Variants in AFF3 observed in about 807,000 individuals in gnomAD.
The protein encoded by AFF3 is AF4/FMR2 family member 3.
AFF3 carries 32 observed loss-of-function variants against 129.7 expected under a neutral mutation model. That is an observed-to-expected ratio of 0.25 (90% CI 0.19 to 0.33). AFF3 has a LOEUF of 0.33. Among genes scored for constraint, AFF3 ranks in the 10% least tolerant of loss-of-function variants. The pLI is 1.00. For missense variants in AFF3, 1,373 were observed against 1,592.0 expected (o/e 0.86, Z 2.34); for synonymous variants, 644 against 635.4 (o/e 1.01, Z -0.20).
chr2:99,807,060 T>C (rs1318550603), intron 8 of AFF3, among the ~76,000 whole-genome samples: 1 of 152,156 alleles, frequency 6.6e-6, no homozygotes, highest in Non-Finnish European at 1.5e-5. Context: ...TTCCCTGTGT[T>C]GCTTGTGTGG....
At chr2:99,668,803 C>T (rs1230630148) in intron 12 of AFF3, among the ~76,000 whole-genome samples, 1 of 152,068 alleles carries the variant, frequency 6.6e-6, no homozygotes, top group South Asian at 2.1e-4. Flanking sequence ...CTCAGATGAT[C>T]CACCTGCCTT....
chr2:99,790,041 T>C (rs1685087852), intron 8 of AFF3, among the ~76,000 whole-genome samples: 1 of 152,188 alleles, frequency 6.6e-6, no homozygotes, highest in Non-Finnish European at 1.5e-5. Flanking sequence ...CATCAGAAAA[T>C]ACATACTGAG....
intron 8 of AFF3, among the ~76,000 whole-genome samples, chr2:99,821,504 A>G (rs189075991): frequency 3.5e-4 from 54 of 152,122 alleles, no homozygotes; most frequent in African/African-American, 1.1e-3. Flanking sequence ...GAAAATAAAA[A>G]GGTCCGTGCA....
At chr2:100,056,059 T>TCACACACACACACACACA (rs747714847) in intron 4 of AFF3, among the ~76,000 whole-genome samples, 1 of 114,654 alleles carries the variant, frequency 8.7e-6, no homozygotes, top group African/African-American at 4.6e-5. Flanking sequence ...TCGCTGTCTC[T>TCACACACACACACACACA]CTCTCACACA....
At chr2:99,772,577 T>C (rs1683578667) in intron 8 of AFF3, among the ~76,000 whole-genome samples, 1 of 152,196 alleles carries the variant, frequency 6.6e-6, no homozygotes, top group African/African-American at 2.4e-5. Context: ...CTAGCATTTG[T>C]TTTTTCTTCT....
At chr2:100,017,000 G>A (rs1411213526) in intron 4 of AFF3, among the ~76,000 whole-genome samples, 1 of 151,624 alleles carries the variant, frequency 6.6e-6, no homozygotes, top group African/African-American at 2.4e-5. Flanking sequence ...GATGGTGGTG[G>A]TTGTGATAAT....
chr2:100,105,036 A>T (rs1176350013), intron 3 of AFF3: 1 of 150,206 alleles, frequency 6.7e-6, no homozygotes, highest in Non-Finnish European at 1.5e-5. Context: ...CCCGCCCCTC[A>T]GCAGCCCTGG....
intron 12 of AFF3, among the ~76,000 whole-genome samples, chr2:99,653,670 A>C (rs1685480646): frequency 6.6e-6 from 1 of 152,192 alleles, no homozygotes; most frequent in Non-Finnish European, 1.5e-5. Context: ...CTGAGTTGGA[A>C]GCTTAGAGCA....
chr2:99,839,659 T>G (rs933929179), intron 7 of AFF3, among the ~76,000 whole-genome samples: 1 of 151,794 alleles, frequency 6.6e-6, no homozygotes, highest in South Asian at 2.1e-4. Flanking sequence ...TCACCCAGGC[T>G]GGAGTGCAGT....
At chr2:100,116,406 C>A (rs923418432) in intron 2 of AFF3, among the ~76,000 whole-genome samples, 2 of 151,932 alleles carry the variant, frequency 1.3e-5, no homozygotes, top group East Asian at 1.9e-4. Context: ...TTGTTCTGAT[C>A]GTTCTGTTCC....
Position 99,926,854 on chromosome 2 carries a change from TA to T in AFF3, c.873+79777del, listed in dbSNP as rs1258859458. On this transcript the variant is annotated intron_variant, in intron 7 of 24. Transcript: ENST00000672756. Reference sequence around the variant, plus strand: ...CACTTATGTTAACAGATTAAAAATTTAAAAAAAAAACATAATTTTTTTAAGT... The same window carrying T: ...CACTTATGTTAACAGATTAAAAATTTAAAAAAAAACATAATTTTTTTAAGT... 1.6e-3 allele frequency among the ~76,000 whole-genome samples: 240 copies of T among 149,920 alleles called. 1 individual carries two copies. The highest frequency in any genetic ancestry group is 5.4e-3 in the African/African-American group (221 of 40,886).
intron 7 of AFF3, among the ~76,000 whole-genome samples, chr2:99,978,573 T>G (rs1679101458): frequency 6.6e-6 from 1 of 152,150 alleles, no homozygotes; most frequent in South Asian, 2.1e-4. Flanking sequence ...GTGCCACGTG[T>G]GTGCATGGCA....
intron 11 of AFF3, among the ~76,000 whole-genome samples, chr2:99,688,778 C>T (rs927217781): frequency 3.3e-5 from 5 of 152,172 alleles, no homozygotes; most frequent in South Asian, 2.1e-4. Flanking sequence ...CAGGCCACTG[C>T]GCCTGGGCAT....
intron 10 of AFF3, among the ~76,000 whole-genome samples, chr2:99,733,811 A>G (rs1274991341): frequency 1.3e-5 from 2 of 152,152 alleles, no homozygotes; most frequent in Admixed American, 1.3e-4. Flanking sequence ...CAATTTGTCT[A>G]TTACTGCCCT....
chr2:100,025,428 T>G (rs1683956581), intron 4 of AFF3, among the ~76,000 whole-genome samples: 1 of 152,170 alleles, frequency 6.6e-6, no homozygotes, highest in Admixed American at 6.5e-5. Flanking sequence ...ACACATCCCA[T>G]GCTCATGGAT....
intron 13 of AFF3, among the ~76,000 whole-genome samples, chr2:99,645,914 C>T (rs1458768426): frequency 6.6e-6 from 1 of 152,132 alleles, no homozygotes; most frequent in Non-Finnish European, 1.5e-5. Context: ...TTTCCAAAGA[C>T]ATCTGGACAT....
chr2:99,929,164 C>G (rs1274019457), intron 7 of AFF3, among the ~76,000 whole-genome samples: 1 of 152,066 alleles, frequency 6.6e-6, no homozygotes, highest in South Asian at 2.1e-4. Flanking sequence ...CCCGTCTCTA[C>G]TAAAAATACA....
chr2:99,728,035 C>T (rs1196054830), intron 10 of AFF3, among the ~76,000 whole-genome samples: 1 of 152,178 alleles, frequency 6.6e-6, no homozygotes, highest in Non-Finnish European at 1.5e-5. Flanking sequence ...TAAGGAAATG[C>T]TTCTGTGGGC....
intron 11 of AFF3, among the ~76,000 whole-genome samples, chr2:99,680,266 G>A (rs978000548): frequency 6.6e-5 from 10 of 152,134 alleles, no homozygotes; most frequent in African/African-American, 1.7e-4. Context: ...ACTTTAACCC[G>A]GAGTGCTTTC....
Sources: gnomAD v4.1 joint callset for allele counts (sites outside exome capture counted in the v4.1 genomes callset) on GRCh38, gnomAD v4.1.1 for gene constraint, MANE v1.5 for transcripts, NCBI Gene and HGNC (gene_info 2026-07-23, HGNC 2026-07-21) for gene names.